The following GRID2 variants were observed in gnomAD, a reference collection of about 807,000 sequenced individuals.
The protein encoded by GRID2 is glutamate receptor ionotropic, delta-2.
In GRID2, 33 loss-of-function variants were observed where a neutral mutation model predicts 114.8. The observed-to-expected ratio is 0.29, with a 90% CI of 0.22 to 0.38. The LOEUF (loss-of-function observed/expected upper bound fraction) is 0.38. Among genes scored for constraint, GRID2 ranks in the 10% least tolerant of loss-of-function variants. The pLI is 1.00. For missense variants in GRID2, 1,184 were observed against 1,257.7 expected, an observed-to-expected ratio of 0.94 and a Z score of 0.89; for synonymous variants, 505 against 449.9, an observed-to-expected ratio of 1.12 and a Z score of -1.55.
intron 4 of GRID2, among the ~76,000 whole-genome samples, chr4:93,172,600 GAAAAA>G (rs201819089): frequency 7.0e-6 from 1 of 142,954 alleles, no homozygotes; most frequent in Non-Finnish European, 1.5e-5. Flanking sequence ...TCAAAAAAAA[GAAAAA>G]AAAAAGAAAA....
At chr4:92,338,531 C>T (rs1727303842) in intron 1 of GRID2, among the ~76,000 whole-genome samples, 1 of 151,960 alleles carries the variant, frequency 6.6e-6, no homozygotes. Context: ...AATATAGGAA[C>T]ATACACAAAA....
At chr4:92,807,867 A>G (rs1016733559) in intron 2 of GRID2, among the ~76,000 whole-genome samples, 8 of 152,110 alleles carry the variant, frequency 5.3e-5, no homozygotes, top group Admixed American at 2.6e-4. Context: ...ATCAGCTTAA[A>G]TGAACATTAT....
intron 1 of GRID2, among the ~76,000 whole-genome samples, chr4:92,450,652 CT>C (rs1047039404): frequency 6.6e-6 from 1 of 151,610 alleles, no homozygotes; most frequent in African/African-American, 2.4e-5. Flanking sequence ...TTTTTTTTCA[CT>C]TGATTTTTCT....
At chr4:92,654,366 C>T (rs186066271) in intron 2 of GRID2, among the ~76,000 whole-genome samples, 100 of 152,062 alleles carry the variant, frequency 6.6e-4, no homozygotes, top group African/African-American at 2.2e-3. Flanking sequence ...CTTCTAATAC[C>T]ATCACACTAG....
intron 1 of GRID2, among the ~76,000 whole-genome samples, chr4:92,403,065 C>A (rs146042380): frequency 4.1e-4 from 62 of 152,258 alleles, no homozygotes; most frequent in African/African-American, 1.4e-3. Context: ...TATGAACCAG[C>A]CTCTACTGGT....
chr4:92,467,895 A>G (rs2149093164), intron 1 of GRID2, among the ~76,000 whole-genome samples: 1 of 152,170 alleles, frequency 6.6e-6, no homozygotes. Context: ...TCCTTTAAGT[A>G]TAGTATGCCT....
chr4:92,416,924 T>C (rs1731646441), intron 1 of GRID2, among the ~76,000 whole-genome samples: 1 of 152,104 alleles, frequency 6.6e-6, no homozygotes, highest in South Asian at 2.1e-4. Flanking sequence ...GGATTTTTTT[T>C]CTAGTTTTCT....
intron 1 of GRID2, among the ~76,000 whole-genome samples, chr4:92,532,389 A>G (rs1214868267): frequency 6.6e-6 from 1 of 152,220 alleles, no homozygotes; most frequent in Non-Finnish European, 1.5e-5. Context: ...GGTTATCATC[A>G]ATACCTAGGC....
At chr4:93,712,833 A>G (rs1223157001) in intron 14 of GRID2, among the ~76,000 whole-genome samples, 1 of 152,092 alleles carries the variant, frequency 6.6e-6, no homozygotes, top group Non-Finnish European at 1.5e-5. Flanking sequence ...TTGAACTCTT[A>G]TTATAAGTTT....
chr4:93,286,940 T>C (rs530008072), intron 8 of GRID2, among the ~76,000 whole-genome samples: 42 of 152,248 alleles, frequency 2.8e-4, no homozygotes, highest in Non-Finnish European at 4.9e-4. Context: ...AATCAGTGTT[T>C]TGACTTCATT....
chr4:92,947,840 A>C (rs1373494156), intron 2 of GRID2, among the ~76,000 whole-genome samples: 1 of 151,926 alleles, frequency 6.6e-6, no homozygotes, highest in Non-Finnish European at 1.5e-5. Flanking sequence ...ATATCTGATA[A>C]TCAGTATTTT....
chr4:93,726,165 G>C (rs1258187898), intron 14 of GRID2, among the ~76,000 whole-genome samples: 1 of 152,160 alleles, frequency 6.6e-6, no homozygotes, highest in Non-Finnish European at 1.5e-5. Context: ...TTTTGTATAA[G>C]GTGTAAGGAA....
chr4:93,291,705 C>A (rs1475762457), intron 8 of GRID2, among the ~76,000 whole-genome samples: 1 of 152,192 alleles, frequency 6.6e-6, no homozygotes, highest in African/African-American at 2.4e-5. Context: ...TTTTGTATAT[C>A]CTCTCTTCAA....
At chr4:92,397,741 C>G (rs755788344) in intron 1 of GRID2, among the ~76,000 whole-genome samples, 1 of 151,872 alleles carries the variant, frequency 6.6e-6, no homozygotes, top group Non-Finnish European at 1.5e-5. Flanking sequence ...CAATAGCAAC[C>G]CAAAATACAG....
intron 14 of GRID2, among the ~76,000 whole-genome samples, chr4:93,732,178 G>T (rs1199523578): frequency 6.6e-6 from 1 of 152,134 alleles, no homozygotes; most frequent in Non-Finnish European, 1.5e-5. Flanking sequence ...TTTCCATGGA[G>T]GATGTGAATC....
At chr4:92,663,732 T>C (rs557596078) in intron 2 of GRID2, among the ~76,000 whole-genome samples, 1 of 151,286 alleles carries the variant, frequency 6.6e-6, no homozygotes, top group African/African-American at 2.4e-5. Flanking sequence ...ATCACCACCA[T>C]CTGTCTGCAG....
At chr4:93,498,596 T>C (rs1727790735) in intron 12 of GRID2, among the ~76,000 whole-genome samples, 3 of 151,938 alleles carry the variant, frequency 2.0e-5, no homozygotes, top group African/African-American at 7.2e-5. Flanking sequence ...CTTCTAGGGG[T>C]TTTTGGTAGA....
intron 2 of GRID2, among the ~76,000 whole-genome samples, chr4:92,964,273 A>T (rs944454299): frequency 1.3e-5 from 2 of 151,994 alleles, no homozygotes; most frequent in African/African-American, 4.8e-5. Context: ...TCTAGCTATG[A>T]AAGTCCCAGG....
At chr4:93,202,908 A>G (rs1742261564) in intron 4 of GRID2, among the ~76,000 whole-genome samples, 1 of 152,116 alleles carries the variant, frequency 6.6e-6, no homozygotes, top group African/African-American at 2.4e-5. Flanking sequence ...TTGAAGTGAT[A>G]TGCATATAAG....
Sources: gnomAD v4.1 joint callset for allele counts (sites outside exome capture counted in the v4.1 genomes callset) on GRCh38, gnomAD v4.1.1 for gene constraint, MANE v1.5 for transcripts, NCBI Gene and HGNC (gene_info 2026-07-23, HGNC 2026-07-21) for gene names.